Variants in CASZ1 observed in about 807,000 individuals in gnomAD.
CASZ1 encodes the protein castor zinc finger 1.
In CASZ1, 28 loss-of-function variants were observed where a neutral mutation model predicts 135.2. That is an observed-to-expected ratio of 0.21 (90% confidence interval 0.15 to 0.28). The LOEUF (loss-of-function observed/expected upper bound fraction) is 0.28. Ranked by LOEUF, CASZ1 falls within the 10% of genes least tolerant of loss-of-function variation. The pLI is 1.00. For synonymous variants in CASZ1, 1,068 were observed against 1,073.4 expected, an observed-to-expected ratio of 0.99 and a Z score of 0.10; for missense variants, 2,161 against 2,453.3, an observed-to-expected ratio of 0.88 and a Z score of 2.52.
chr1:10,708,991 G>A (rs1639230919), intron 2 of CASZ1, among the ~76,000 whole-genome samples: 1 of 148,902 alleles, frequency 6.7e-6, no homozygotes, highest in African/African-American at 2.5e-5. Flanking sequence ...CCATGGGTGA[G>A]GGAGGGAGGG....
In CASZ1 at chr1:10,697,077, G is replaced by A. The variant is rs551519379; in HGVS notation, c.-23-3165C>T. ...GGTAGCCACAGGCTGAGTGGGCCCT[G>A]CCCAAGAGGAAAAGGCCTTCAGTGG... On this transcript the variant is annotated intron_variant, in intron 3 of 20. Transcript: ENST00000377022. This position sits in a 1 kb window ranked among gnomAD's most constrained non-coding sequence, Gnocchi z 4.7. Among the ~76,000 whole-genome samples, 5 of 152,352 alleles carry A rather than the reference G, an allele frequency of 3.3e-5. No homozygotes were observed. Among genetic ancestry groups the A allele is most frequent in the African/African-American group, 1.2e-4 (5 of 41,578 alleles).
At chr1:10,688,518 C>T (rs1165551281) in intron 4 of CASZ1, among the ~76,000 whole-genome samples, 1 of 152,176 alleles carries the variant, frequency 6.6e-6, no homozygotes, top group African/African-American at 2.4e-5. Flanking sequence ...TAAGGCCACT[C>T]TTTCACAAAG....
intron 2 of CASZ1, among the ~76,000 whole-genome samples, chr1:10,743,130 T>C (rs1639958094): frequency 1.3e-5 from 2 of 152,016 alleles, no homozygotes; most frequent in African/African-American, 2.4e-5. Flanking sequence ...CTATGGTCCC[T>C]GAAGCTCAGG....
Position 10,638,823 on chromosome 1 carries a change from A to G in CASZ1, c.*119T>C. The G allele has an allele frequency of 1.3e-5, 12 of 932,214 alleles. No individual in the cohort carries two copies. The highest frequency in any genetic ancestry group is 1.5e-5 in the Non-Finnish European group (12 of 782,226). The allele number at this position is 932,214 out of a possible 1,614,324, so 57.7% of individuals were successfully genotyped here. ...GGTCCCCGCCTCTGTCCTGAGACGG[A>G]CTCGGGGTCCGGAAGCACCGGCGGG... On this transcript the variant is annotated 3_prime_UTR_variant, in exon 21 of 21. Coordinates refer to ENST00000377022, the MANE Select transcript of CASZ1 (RefSeq NM_001079843.3). This position sits in a 1 kb window ranked among gnomAD's most constrained non-coding sequence, Gnocchi z 5.9.
intron 4 of CASZ1, among the ~76,000 whole-genome samples, chr1:10,692,232 G>C (rs953778486): frequency 6.6e-6 from 1 of 152,248 alleles, no homozygotes; most frequent in African/African-American, 2.4e-5. Flanking sequence ...GCTGGCTCCA[G>C]CTGGCACCCA....
rs745492638 is a variant in CASZ1, at chr1:10,665,093, C to T, written c.495G>A (p.Arg165=). 3 of 1,505,560 alleles carry T rather than the reference C, an allele frequency of 2.0e-6. No individual in the cohort carries two copies. Among genetic ancestry groups the T allele is most frequent in the Non-Finnish European group, 2.7e-6 (3 of 1,127,276 alleles). 93.3% of individuals were successfully genotyped at this position (1,505,560 alleles called of 1,614,324 possible). A position where few individuals can be genotyped will look rare whatever the true frequency, so the allele number is the denominator to read the frequency against. ...AGGCCAGGCACCCACCTGAAGCCTG[C>T]CTGGTGCTGGGGCCGCTGTCCTCCT... ...ASKEDSGPST[R]QASGEASSLR... Residue 165 remains arginine (R), a synonymous_variant, in exon 5 of 21, where the codon AGG becomes AGA. Coordinates refer to ENST00000377022, the MANE Select transcript of CASZ1 (RefSeq NM_001079843.3).
chr1:10,639,417 T>A lies in CASZ1; in HGVS notation c.4805A>T (p.Glu1602Val). 6.4e-7 allele frequency: 1 copy of A among 1,555,454 alleles called. No individual in the cohort carries two copies. The highest frequency in any genetic ancestry group is 1.4e-5 in the African/African-American group (1 of 73,576). Residue 1602 changes from glutamate to valine, a missense_variant, in exon 21 of 21, where the codon GAG (glutamate) becomes GTG (valine). Physicochemically the swap from Glu to Val is moderately radical, Grantham distance 121. Around this residue, in one of 7 missense-constraint regions of CASZ1, gnomAD observed 240 missense variants for 321.4 expected, o/e 0.75. Coordinates refer to ENST00000377022, the MANE Select transcript of CASZ1 (RefSeq NM_001079843.3). This position sits in a 1 kb window ranked among gnomAD's most constrained non-coding sequence, Gnocchi z 4.0. The part of the protein sequence containing the change: ...KRKHEKQERG[E>V]PAAEGPAPGP... ...GGGCGCGGGGCCCTCTGCCGCGGGC[T>A]CGCCGCGCTCCTGCTTCTCGTGCTT...
chr1:10,787,655 A>G (rs555820110), intron 1 of CASZ1, among the ~76,000 whole-genome samples: 45 of 152,034 alleles, frequency 3.0e-4, no homozygotes, highest in African/African-American at 9.2e-4. Flanking sequence ...GATCACCCGC[A>G]CACACACACA....
chr1:10,643,009 A>C lies in CASZ1; in HGVS notation c.4021-9T>G. Reference sequence around the variant, plus strand: ...ATCAGGCCTGGGGGGCCCTGAAAGGACACGGGGGTCCCTGAGGAAGTGGGG... The same window carrying C: ...ATCAGGCCTGGGGGGCCCTGAAAGGCCACGGGGGTCCCTGAGGAAGTGGGG... On this transcript the variant is annotated splice_polypyrimidine_tract_variant and intron_variant, in intron 19 of 20. Coordinates refer to ENST00000377022, the MANE Select transcript of CASZ1 (RefSeq NM_001079843.3). 6.2e-7 allele frequency: 1 copy of C among 1,611,294 alleles called. No homozygotes were observed. The highest frequency in any genetic ancestry group is 8.5e-7 in the Non-Finnish European group (1 of 1,178,750).
chr1:10,737,730 C>CT (rs1639827444), intron 2 of CASZ1, among the ~76,000 whole-genome samples: 1 of 152,258 alleles, frequency 6.6e-6, no homozygotes, highest in Non-Finnish European at 1.5e-5. Context: ...GGGCCTCCCA[C>CT]TCACCAAGGC....
intron 1 of CASZ1, among the ~76,000 whole-genome samples, chr1:10,789,666 T>C (rs910337136): frequency 2.6e-5 from 4 of 151,692 alleles, no homozygotes; most frequent in Admixed American, 2.6e-4. Flanking sequence ...TTTCCAACAA[T>C]ATGGAAGAAG....
intron 13 of CASZ1, chr1:10,650,406 C>G (rs111442145): frequency 2.6e-5 from 7 of 270,070 alleles, no homozygotes; most frequent in Non-Finnish European, 4.1e-5. Context: ...AATAACGAGG[C>G]ACGAACGAAG....
intron 4 of CASZ1, among the ~76,000 whole-genome samples, chr1:10,680,781 C>G (rs970598499): frequency 6.6e-6 from 1 of 152,252 alleles, no homozygotes; most frequent in Non-Finnish European, 1.5e-5. Flanking sequence ...GAGTCACCAG[C>G]AACAGGGACT....
chr1:10,788,119 A>G lies in CASZ1; in HGVS notation c.-234+8445T>C, dbSNP rs1640891360. ...GGATACGGGGATGTTCTCATCCAGA[A>G]CATCCCTTTATATGTGCCCAAGAGC... On this transcript the variant is annotated intron_variant, in intron 1 of 20. Transcript: ENST00000377022. This position sits in a 1 kb window ranked among gnomAD's most constrained non-coding sequence, Gnocchi z 4.1. 6.6e-6 allele frequency among the ~76,000 whole-genome samples: 1 copy of G among 152,178 alleles called. No individual in the cohort carries two copies. Among genetic ancestry groups the G allele is most frequent in the Non-Finnish European group, 1.5e-5 (1 of 68,034 alleles).
At chr1:10,770,990 C>A (rs1466260828) in intron 1 of CASZ1, among the ~76,000 whole-genome samples, 2 of 152,184 alleles carry the variant, frequency 1.3e-5, no homozygotes, top group African/African-American at 4.8e-5. Context: ...GCGGTCATTG[C>A]CCCCAAGCAT....
intron 1 of CASZ1, among the ~76,000 whole-genome samples, chr1:10,770,271 G>T (rs559281926): frequency 1.3e-5 from 2 of 152,066 alleles, no homozygotes; most frequent in Admixed American, 6.5e-5. Flanking sequence ...CTTTTGTTGA[G>T]ACAGGGTTTT....
At chr1:10,690,002 C>T (rs921078788) in intron 4 of CASZ1, among the ~76,000 whole-genome samples, 2 of 152,252 alleles carry the variant, frequency 1.3e-5, no homozygotes, top group Admixed American at 1.3e-4. Context: ...CACCTACCCC[C>T]TGCAGCAGAC....
rs966366004 is a variant in CASZ1, at chr1:10,750,593, T to C, written c.-77+10108A>G. ...CTGCTTCACTTCTCTGGGCATCAGT[T>C]TGCGCACTTATAGAAGGAGGCTGAG... On this transcript the variant is annotated intron_variant, in intron 2 of 20. Transcript: ENST00000377022. Among the ~76,000 whole-genome samples the C allele has an allele frequency of 2.6e-5, 4 of 151,950 alleles. No homozygotes were observed. In the East Asian group the frequency reaches 7.8e-4, roughly 30 times the overall value.
At position 10,709,258 on chromosome 1, in the gene CASZ1, G is replaced by A. The variant is rs539251060; in HGVS notation, c.-76-3714C>T. 6.6e-6 allele frequency among the ~76,000 whole-genome samples: 1 copy of A among 152,158 alleles called. No homozygotes were observed. Among genetic ancestry groups the A allele is most frequent in the African/African-American group, 2.4e-5 (1 of 41,538 alleles). ...GCCATGGGGGCTCGGGGCAGCTGTC[G>A]GGCTGCCCATCCGCCCCCGCACTCC... On this transcript the variant is annotated intron_variant, in intron 2 of 20. Coordinates refer to ENST00000377022, the MANE Select transcript of CASZ1 (RefSeq NM_001079843.3). The surrounding 1 kb of genome is among the most constrained non-coding windows in gnomAD (Gnocchi z 5.1).
Sources: allele counts gnomAD v4.1 joint callset (sites outside exome capture counted in the v4.1 genomes callset), GRCh38; gene constraint gnomAD v4.1.1; regional missense constraint gnomAD v4.1.1; non-coding constraint Gnocchi (gnomAD v3.1); transcripts MANE v1.5; gene names NCBI Gene and HGNC (gene_info 2026-07-23, HGNC 2026-07-21).